Variants in LHFPL6 observed in about 807,000 individuals in gnomAD.
LHFPL6 encodes the protein LHFPL tetraspan subfamily member 6 protein.
Under a neutral mutation model 20.6 loss-of-function variants are expected in LHFPL6, and 9 were observed. The observed-to-expected ratio is 0.44, with a 90% CI of 0.26 to 0.76. The LOEUF is 0.76. Ranked by LOEUF, LHFPL6 falls within the 30% of genes least tolerant of loss-of-function variation. The pLI is 0.20. For synonymous variants in LHFPL6, 105 were observed against 98.7 expected (o/e 1.06, Z -0.38); for missense variants, 218 against 253.5 (o/e 0.86, Z 0.95).
In LHFPL6 at chr13:39,378,415, G is replaced by A. The variant is rs1790553112; in HGVS notation, c.484+13C>T. 6.2e-7 allele frequency: 1 copy of A among 1,606,536 alleles called. No homozygotes were observed. Among genetic ancestry groups the A allele is most frequent in the Non-Finnish European group, 8.5e-7 (1 of 1,173,454 alleles). ...TTTTTCTAAAAGGAGTGCCATCCAT[G>A]AAGAAAGCTTACCCAGGTCAAACTG... On this transcript the variant is annotated intron_variant, in intron 3 of 3. Coordinates refer to ENST00000379589, the MANE Select transcript of LHFPL6 (RefSeq NM_005780.3).
chr13:39,354,558 C>T (rs1593282629), intron 3 of LHFPL6, among the ~76,000 whole-genome samples: 1 of 152,074 alleles, frequency 6.6e-6, no homozygotes, highest in Non-Finnish European at 1.5e-5. Context: ...GCTCAAATAA[C>T]AGACACAGAA....
intron 2 of LHFPL6, among the ~76,000 whole-genome samples, chr13:39,444,766 T>G (rs1451125404): frequency 6.6e-6 from 1 of 152,160 alleles, no homozygotes; most frequent in Admixed American, 6.5e-5. Flanking sequence ...TTACAGACAG[T>G]CGGGGGCTCA....
chr13:39,592,239 A>G (rs1052893902), intron 2 of LHFPL6, among the ~76,000 whole-genome samples: 1 of 152,212 alleles, frequency 6.6e-6, no homozygotes, highest in African/African-American at 2.4e-5. Context: ...GTAAAAAACT[A>G]AACTGGTGAC....
At chr13:39,502,909 T>C (rs1869343377) in intron 2 of LHFPL6, among the ~76,000 whole-genome samples, 1 of 152,208 alleles carries the variant, frequency 6.6e-6, no homozygotes, top group Admixed American at 6.5e-5. Flanking sequence ...TTATTTATTT[T>C]AGAGACAAGG....
chr13:39,448,441 A>G (rs573985609), intron 2 of LHFPL6, among the ~76,000 whole-genome samples: 1 of 152,346 alleles, frequency 6.6e-6, no homozygotes. Context: ...GAACAAGGTT[A>G]TCTAAAGAAT....
intron 2 of LHFPL6, among the ~76,000 whole-genome samples, chr13:39,571,984 G>C (rs533870820): frequency 3.9e-5 from 6 of 152,306 alleles, no homozygotes; most frequent in African/African-American, 1.2e-4. Flanking sequence ...CTCCCCTGCC[G>C]TGAGTTGGTG....
At chr13:39,546,714 A>G (rs1870993432) in intron 2 of LHFPL6, among the ~76,000 whole-genome samples, 2 of 152,062 alleles carry the variant, frequency 1.3e-5, no homozygotes, top group Admixed American at 6.5e-5. Flanking sequence ...CAGCCAATCA[A>G]CCACCAAGTA....
At chr13:39,485,794 C>G (rs1415265414) in intron 2 of LHFPL6, among the ~76,000 whole-genome samples, 1 of 151,986 alleles carries the variant, frequency 6.6e-6, no homozygotes, top group African/African-American at 2.4e-5. Flanking sequence ...TTGCTTTGAC[C>G]TCCTATAACA....
intron 2 of LHFPL6, among the ~76,000 whole-genome samples, chr13:39,504,536 G>A (rs1052978604): frequency 8.5e-5 from 13 of 152,100 alleles, no homozygotes; most frequent in Admixed American, 1.3e-4. Context: ...TGGTTTCTCC[G>A]GAGGCCTCTC....
intron 2 of LHFPL6, among the ~76,000 whole-genome samples, chr13:39,505,234 G>A (rs9594337): frequency 0.13 from 20,522 of 152,202 alleles, 1,548 homozygotes; most frequent in South Asian, 0.23. Flanking sequence ...TTATCAGCAT[G>A]AAAACATCCT....
intron 2 of LHFPL6, among the ~76,000 whole-genome samples, chr13:39,474,873 T>C (rs1340534122): frequency 6.6e-6 from 1 of 151,678 alleles, no homozygotes; most frequent in African/African-American, 2.4e-5. Flanking sequence ...TAACAGCCCA[T>C]GGGGAGTAGG....
intron 2 of LHFPL6, among the ~76,000 whole-genome samples, chr13:39,436,044 T>A (rs922955502): frequency 3.3e-5 from 5 of 151,648 alleles, no homozygotes; most frequent in African/African-American, 1.2e-4. Context: ...TATATAAATA[T>A]GTTAAGCTTT....
intron 3 of LHFPL6, among the ~76,000 whole-genome samples, chr13:39,377,766 G>C (rs1870327650): frequency 6.6e-6 from 1 of 152,172 alleles, no homozygotes; most frequent in Admixed American, 6.5e-5. Context: ...AAACAAATTT[G>C]TGAGTTAAGA....
rs1872941139 is a variant in LHFPL6 at position 39,601,349 on chromosome 13, T to C, written c.-133A>G. 2.3e-6 allele frequency: 2 copies of C among 853,254 alleles called. No individual in the cohort carries two copies. The highest frequency in any genetic ancestry group is 4.7e-5 in the South Asian group (2 of 42,170). The allele number at this position is 853,254 out of a possible 1,614,324, so 52.9% of individuals were successfully genotyped here. ...ATGCAGAATGGATCTTCAGTCTTACTGGGCATCAACTTTCCATCCTCTGCA... is the reference window on the plus strand; with the variant it reads ...ATGCAGAATGGATCTTCAGTCTTACCGGGCATCAACTTTCCATCCTCTGCA... On this transcript the variant is annotated 5_prime_UTR_variant, in exon 2 of 4. Coordinates refer to ENST00000379589, the MANE Select transcript of LHFPL6 (RefSeq NM_005780.3).
chr13:39,601,041 C>A lies in LHFPL6; in HGVS notation c.176G>T (p.Arg59Leu). ...RCSYPVHDESRQMMVMVEECG... is the reference protein window; with the variant it reads ...RCSYPVHDESLQMMVMVEECG... ...TTCCTCCACCATCACCATCATCTGC[C>A]GACTCTCATCATGCACAGGATATGA... Residue 59 changes from arginine to leucine, a missense_variant, in exon 2 of 4, where the codon CGG becomes CTG. By Grantham distance (102) the Arg-to-Leu change is moderately radical (BLOSUM62 -2). Coordinates refer to ENST00000379589, the MANE Select transcript of LHFPL6 (RefSeq NM_005780.3). 6.2e-7 allele frequency: 1 copy of A among 1,614,176 alleles called. No homozygotes were observed. Among genetic ancestry groups the A allele is most frequent in the Non-Finnish European group, 8.5e-7 (1 of 1,180,012 alleles).
chr13:39,399,160 T>C (rs144717231), intron 2 of LHFPL6, among the ~76,000 whole-genome samples: 15 of 152,330 alleles, frequency 9.8e-5, no homozygotes, highest in African/African-American at 3.4e-4. Flanking sequence ...AGTTTCAACA[T>C]ACATGTTTGT....
intron 2 of LHFPL6, among the ~76,000 whole-genome samples, chr13:39,478,084 A>C (rs1803160080): frequency 6.6e-6 from 1 of 152,192 alleles, no homozygotes; most frequent in Admixed American, 6.5e-5. Context: ...TCATTTACAA[A>C]ATCAAGCTAA....
At chr13:39,481,619 A>G (rs1868529456) in intron 2 of LHFPL6, among the ~76,000 whole-genome samples, 1 of 152,168 alleles carries the variant, frequency 6.6e-6, no homozygotes. Flanking sequence ...ACTTTAAATA[A>G]CAGCAAAGAC....
chr13:39,584,994 T>C (rs1307729366), intron 2 of LHFPL6, among the ~76,000 whole-genome samples: 27 of 152,200 alleles, frequency 1.8e-4, no homozygotes, highest in Admixed American at 1.8e-3. Context: ...TCCCACTTTC[T>C]AGCCACACAC....
Sources: gnomAD v4.1 joint callset for allele counts (sites outside exome capture counted in the v4.1 genomes callset) on GRCh38, gnomAD v4.1.1 for gene constraint, MANE v1.5 for transcripts, NCBI Gene and HGNC (gene_info 2026-07-23, HGNC 2026-07-21) for gene names.